The following CDH4 variants were observed in gnomAD, a reference collection of about 807,000 sequenced individuals.
CDH4 encodes the protein cadherin-4.
Under a neutral mutation model 86.0 loss-of-function variants are expected in CDH4, and 33 were observed. The observed-to-expected ratio is 0.38, with a 90% CI of 0.29 to 0.51. CDH4 has a LOEUF of 0.51. CDH4 is among the 20% of genes least tolerant of loss of function. The pLI is 0.86. For missense variants in CDH4, 1,114 were observed against 1,307.4 expected, an observed-to-expected ratio of 0.85 and a Z score of 2.28; for synonymous variants, 555 against 549.4, an observed-to-expected ratio of 1.01 and a Z score of -0.14.
chr20:61,293,585 A>G (rs1272449160), intron 2 of CDH4, among the ~76,000 whole-genome samples: 6 of 152,186 alleles, frequency 3.9e-5, no homozygotes, highest in African/African-American at 1.2e-4. Flanking sequence ...ATGTGTCCCC[A>G]TCAGCGGGAC....
chr20:61,603,038 C>G lies in CDH4; in HGVS notation c.170-140525C>G, dbSNP rs530816892. Among the ~76,000 whole-genome samples, 13 of 152,378 alleles carry G rather than the reference C, an allele frequency of 8.5e-5. No individual in the cohort carries two copies. The South Asian group carries it at 2.7e-3, about 32-fold the overall frequency. ...CAACCATTTTGCACCTTATACCGTGCAAGGCACTAAGGATACACGTTGGGA... is the reference window on the plus strand; with the variant it reads ...CAACCATTTTGCACCTTATACCGTGGAAGGCACTAAGGATACACGTTGGGA... On this transcript the variant is annotated intron_variant, in intron 2 of 15. Transcript: ENST00000614565.
intron 2 of CDH4, among the ~76,000 whole-genome samples, chr20:61,408,624 G>A (rs2387394): frequency 0.021 from 3,133 of 152,272 alleles, 51 homozygotes; most frequent in South Asian, 0.068. Context: ...GTTAGTGAGC[G>A]TCATGGAGAC....
At chr20:61,872,181 G>A (rs1476018268) in intron 6 of CDH4, among the ~76,000 whole-genome samples, 1 of 152,212 alleles carries the variant, frequency 6.6e-6, no homozygotes, top group African/African-American at 2.4e-5. Flanking sequence ...GTCCAACAGG[G>A]CATCTGTGTG....
chr20:61,573,787 C>T (rs1171718757), intron 2 of CDH4, among the ~76,000 whole-genome samples: 1 of 152,212 alleles, frequency 6.6e-6, no homozygotes, highest in African/African-American at 2.4e-5. Flanking sequence ...ATGGCAGCTA[C>T]GGCTGTGTAT....
intron 2 of CDH4, among the ~76,000 whole-genome samples, chr20:61,559,544 A>C (rs2086201621): frequency 1.2e-5 from 1 of 83,614 alleles, no homozygotes; most frequent in Admixed American, 1.3e-4. Flanking sequence ...TTTTTGACAC[A>C]GAGTCTCACT....
At position 61,895,265 on chromosome 20, in the gene CDH4, C is replaced by T. The variant is rs573461151; in HGVS notation, c.1188+218C>T. ...GCCGGGGCTCAGTCAGGGAGGGGAC[C>T]GGCGGCGGAGGTCGGTTGCCACCTG... On this transcript the variant is annotated intron_variant, in intron 8 of 15. Coordinates refer to ENST00000614565, the MANE Select transcript of CDH4 (RefSeq NM_001794.5). Among the ~76,000 whole-genome samples, 57 of 152,306 alleles carry T rather than the reference C, an allele frequency of 3.7e-4. 1 individual carries two copies. In the South Asian group the frequency reaches 8.7e-3, roughly 23 times the overall value.
At chr20:61,679,432 C>A (rs531780776) in intron 2 of CDH4, among the ~76,000 whole-genome samples, 1 of 152,170 alleles carries the variant, frequency 6.6e-6, no homozygotes, top group South Asian at 2.1e-4. Flanking sequence ...CTGGGGATCT[C>A]GCTGCTGTGG....
Position 61,269,335 on chromosome 20 carries a change from C to T in CDH4, c.169+14398C>T, listed in dbSNP as rs1234056867. Among the ~76,000 whole-genome samples the T allele has an allele frequency of 6.6e-6, 1 of 152,160 alleles. No homozygotes were observed. The highest frequency in any genetic ancestry group is 6.5e-5 in the Admixed American group (1 of 15,278). On this transcript the variant is annotated intron_variant, in intron 2 of 15. Transcript: ENST00000614565. This position sits in a 1 kb window ranked among gnomAD's most constrained non-coding sequence, Gnocchi z 5.3. ...ACCCTCCACCCCATCCTCTGTATCA[C>T]CTTGGAACCAGCCCCCCATGGAGAC...
intron 2 of CDH4, among the ~76,000 whole-genome samples, chr20:61,508,323 C>T (rs2085756322): frequency 6.6e-6 from 1 of 152,214 alleles, no homozygotes; most frequent in African/African-American, 2.4e-5. Context: ...AGGTCCCCAC[C>T]GGGTGAGAAG....
chr20:61,613,694 A>C (rs2086703512), intron 2 of CDH4, among the ~76,000 whole-genome samples: 2 of 151,732 alleles, frequency 1.3e-5, no homozygotes, highest in Non-Finnish European at 2.9e-5. Flanking sequence ...TGATGTGGGG[A>C]AGTCATTGGC....
chr20:61,530,887 G>A (rs935112015), intron 2 of CDH4, among the ~76,000 whole-genome samples: 1 of 152,128 alleles, frequency 6.6e-6, no homozygotes, highest in Non-Finnish European at 1.5e-5. Context: ...CGCTGTCCAG[G>A]GAGGAGGTGC....
chr20:61,646,069 C>G (rs954048247), intron 2 of CDH4, among the ~76,000 whole-genome samples: 1 of 152,184 alleles, frequency 6.6e-6, no homozygotes, highest in Non-Finnish European at 1.5e-5. Context: ...AATATTCTAA[C>G]AGTCTGTGTG....
chr20:61,460,507 C>T (rs565833342), intron 2 of CDH4, among the ~76,000 whole-genome samples: 6 of 152,312 alleles, frequency 3.9e-5, no homozygotes, highest in South Asian at 2.1e-4. Context: ...CCTCACCTGC[C>T]GCTGGAAGCA....
At chr20:61,603,993 A>C (rs1452852824) in intron 2 of CDH4, among the ~76,000 whole-genome samples, 1 of 152,082 alleles carries the variant, frequency 6.6e-6, no homozygotes, top group African/African-American at 2.4e-5. Context: ...ATGCACACAC[A>C]CACGTGATTG....
At chr20:61,453,152 T>TA (rs752861117) in intron 2 of CDH4, among the ~76,000 whole-genome samples, 3 of 152,170 alleles carry the variant, frequency 2.0e-5, no homozygotes, top group Non-Finnish European at 4.4e-5. Context: ...TGAAAGAGTG[T>TA]ATTGAGGATA....
chr20:61,895,142 C>A, intron 8 of CDH4, 95 bp downstream of exon 8: 1 of 1,430,086 alleles, frequency 7.0e-7, no homozygotes, highest in Non-Finnish European at 9.6e-7. Context: ...GCGGCTCTGC[C>A]TGACGGGCAC....
intron 2 of CDH4, among the ~76,000 whole-genome samples, chr20:61,439,178 T>C (rs62200864): frequency 0.17 from 25,498 of 152,140 alleles, 2,216 homozygotes; most frequent in Non-Finnish European, 0.18. Context: ...GTTGTGTTAT[T>C]TGAAGATTCA....
At chr20:61,559,613 G>T (rs1300801208) in intron 2 of CDH4, among the ~76,000 whole-genome samples, 6 of 138,570 alleles carry the variant, frequency 4.3e-5, no homozygotes, top group Admixed American at 3.9e-4. Flanking sequence ...CAGCCTCCCA[G>T]GTTCAAGAGA....
At chr20:61,610,471 C>T (rs73917316) in intron 2 of CDH4, among the ~76,000 whole-genome samples, 6,905 of 152,266 alleles carry the variant, frequency 0.045, 427 homozygotes, top group African/African-American at 0.14. Flanking sequence ...GGGAGCGTAG[C>T]TATCTCTTCG....
Sources: allele counts gnomAD v4.1 joint callset (sites outside exome capture counted in the v4.1 genomes callset), GRCh38; gene constraint gnomAD v4.1.1; non-coding constraint Gnocchi (gnomAD v3.1); transcripts MANE v1.5; gene names NCBI Gene and HGNC (gene_info 2026-07-23, HGNC 2026-07-21).